The following SNAPC3 variants were observed in gnomAD, a reference collection of about 807,000 sequenced individuals.
The protein encoded by SNAPC3 is small nuclear RNA activating complex polypeptide 3.
Under a neutral mutation model 47.7 loss-of-function variants are expected in SNAPC3, and 56 were observed. The ratio of observed to expected loss-of-function variants is 1.18; its 90% CI spans 0.95 to 1.47. The LOEUF is 1.47. Ranked by LOEUF, SNAPC3 falls within the 40% of genes most tolerant of loss-of-function variation. The pLI is 0.00. For missense variants in SNAPC3, 665 were observed against 511.3 expected (o/e 1.30, Z -2.90); for synonymous variants, 235 against 189.9 (o/e 1.24, Z -1.95).
intron 2 of SNAPC3, among the ~76,000 whole-genome samples, chr9:15,428,111 C>CAAAAAAAAAAAA (rs34074367): frequency 1.4e-5 from 1 of 73,016 alleles, no homozygotes. Context: ...ACTCTGTCTC[C>CAAAAAAAAAAAA]AAAAAAAAAA....
At chr9:15,442,362 T>A (rs1313531287) in intron 3 of SNAPC3, among the ~76,000 whole-genome samples, 6 of 148,036 alleles carry the variant, frequency 4.1e-5, no homozygotes, top group Non-Finnish European at 8.9e-5. Flanking sequence ...GAGACGCTCC[T>A]CACCTCCCAG....
Position 15,423,121 on chromosome 9 carries a change from G to GC in SNAPC3, c.242_243insC (p.Glu82GlyfsTer18). ...GGGAGCCAGGCAGCTGACTCCGACC[G>GC]GGAGGATGCCGCGGTGGCCAGGGAT... On this transcript the variant is annotated frameshift_variant, in exon 1 of 9. Coordinates refer to ENST00000380821, the MANE Select transcript of SNAPC3 (RefSeq NM_001039697.2). LOFTEE classifies it high-confidence loss of function. The GC allele has an allele frequency of 1.3e-6, 2 of 1,555,946 alleles. No homozygotes were observed. The highest frequency in any genetic ancestry group is 1.7e-6 in the Non-Finnish European group (2 of 1,162,416).
chr9:15,452,920 G>A, intron 6 of SNAPC3, 121 bp from the exon 7 acceptor site: 1 of 745,120 alleles, frequency 1.3e-6, no homozygotes, highest in Non-Finnish European at 2.1e-6. Context: ...ATCTCAAGAT[G>A]GCAACTGTCC....
chr9:15,458,378 C>G (rs2034959657), intron 8 of SNAPC3, among the ~76,000 whole-genome samples: 1 of 152,142 alleles, frequency 6.6e-6, no homozygotes, highest in South Asian at 2.1e-4. Flanking sequence ...AGAATACATT[C>G]AAGAAAAGCT....
downstream of SNAPC3, chr9:15,464,676 T>C (rs1379711938): frequency 6.6e-5 from 13 of 197,966 alleles, no homozygotes; most frequent in African/African-American, 3.0e-4. Context: ...TAAAGACATT[T>C]TTAACAACAT....
Position 15,460,239 on chromosome 9 carries a change from C to T in SNAPC3, c.*373C>T, listed in dbSNP as rs1372164242. The T allele has an allele frequency of 1.3e-5, 2 of 155,626 alleles. No individual in the cohort carries two copies. Among genetic ancestry groups the T allele is most frequent in the Non-Finnish European group, 2.8e-5 (2 of 70,552 alleles). 9.6% of individuals were successfully genotyped at this position (155,626 alleles called of 1,614,324 possible). A position where few individuals can be genotyped will look rare whatever the true frequency, so the allele number is the denominator to read the frequency against. ...GCTAAAGATAGAATTATTAATGATA[C>T]ATCAAGTAGTGGAAGTGTTTTGAAA... is the stretch of plus-strand genomic sequence containing the variant. On this transcript the variant is annotated 3_prime_UTR_variant, in exon 9 of 9. Coordinates refer to ENST00000380821, the MANE Select transcript of SNAPC3 (RefSeq NM_001039697.2).
chr9:15,424,282 C>G (rs1226303206), intron 2 of SNAPC3, among the ~76,000 whole-genome samples: 1 of 152,026 alleles, frequency 6.6e-6, no homozygotes, highest in Non-Finnish European at 1.5e-5. Flanking sequence ...ATTATTATAC[C>G]TAAGAAAACC....
At chr9:15,428,905 G>T (rs535171922) in intron 2 of SNAPC3, among the ~76,000 whole-genome samples, 5 of 151,702 alleles carry the variant, frequency 3.3e-5, no homozygotes, top group African/African-American at 1.2e-4. Context: ...AGTCCCTGAA[G>T]AAGAAAAAGA....
At chr9:15,456,951 A>G (rs1004973031) in intron 7 of SNAPC3, among the ~76,000 whole-genome samples, 5 of 152,164 alleles carry the variant, frequency 3.3e-5, no homozygotes, top group African/African-American at 1.2e-4. Context: ...AAAAAAATCA[A>G]ATTTTAGAAT....
At position 15,444,722 on chromosome 9, in the gene SNAPC3, T is replaced by C. The variant is rs779319091; in HGVS notation, c.582+16T>C. 20 of 1,364,416 alleles carry C rather than the reference T, an allele frequency of 1.5e-5. No individual in the cohort carries two copies. Among genetic ancestry groups the C allele is most frequent in the Non-Finnish European group, 2.1e-5 (20 of 964,888 alleles). The allele number at this position is 1,364,416 out of a possible 1,614,324, so 84.5% of individuals were successfully genotyped here. ...ATTTCATAAGGTAAGTAGTAAAACC[T>C]TTTGGATTTTATGGATAATAGTAAC... On this transcript the variant is annotated intron_variant, in intron 4 of 8. Coordinates refer to ENST00000380821, the MANE Select transcript of SNAPC3 (RefSeq NM_001039697.2).
chr9:15,428,143 A>C (rs950020926), intron 2 of SNAPC3, among the ~76,000 whole-genome samples: 1 of 149,286 alleles, frequency 6.7e-6, no homozygotes, highest in Non-Finnish European at 1.5e-5. Context: ...ACTGTCAAAC[A>C]GCTCTCATAT....
chr9:15,426,411 C>T (rs780183018), intron 2 of SNAPC3, among the ~76,000 whole-genome samples: 5 of 152,154 alleles, frequency 3.3e-5, no homozygotes, highest in East Asian at 1.9e-4. Context: ...CTGTAATATA[C>T]GTGTTTAATT....
At chr9:15,455,263 G>A (rs1462701623) in intron 7 of SNAPC3, among the ~76,000 whole-genome samples, 1 of 152,016 alleles carries the variant, frequency 6.6e-6, no homozygotes, top group African/African-American at 2.4e-5. Flanking sequence ...TGTCTTTGAT[G>A]TTATTAAAAT....
At position 15,453,284 on chromosome 9, in the gene SNAPC3, A is replaced by T. The variant is rs1482237607; in HGVS notation, c.980+79A>T. 5 of 1,180,950 alleles carry T rather than the reference A, an allele frequency of 4.2e-6. No individual in the cohort carries two copies. In the African/African-American group the frequency reaches 6.2e-5, roughly 15 times the overall value. The allele number at this position is 1,180,950 out of a possible 1,614,324, so 73.2% of individuals were successfully genotyped here. A position where few individuals can be genotyped will look rare whatever the true frequency, so the allele number is the denominator to read the frequency against. ...GTACAAAACCAGAGATAGTTTTTTT[A>T]AAAATAAGAGGAGTAAAAGTAATAA... On this transcript the variant is annotated intron_variant, in intron 7 of 8. Transcript: ENST00000380821.
downstream of SNAPC3, chr9:15,464,573 TTTCAA>T (rs1422562692): frequency 5.0e-6 from 1 of 198,860 alleles, no homozygotes; most frequent in Non-Finnish European, 1.0e-5. Flanking sequence ...ATAGCCATGA[TTTCAA>T]ATAGGTGAGT....
chr9:15,466,204 C>T (rs1365421976), downstream of SNAPC3, among the ~76,000 whole-genome samples: 1 of 152,206 alleles, frequency 6.6e-6, no homozygotes, highest in African/African-American at 2.4e-5. Context: ...ATGGTGAAAC[C>T]TCATCTCTAC....
At chr9:15,455,216 ATTTATATGACT>A (rs2034686552) in intron 7 of SNAPC3, among the ~76,000 whole-genome samples, 2 of 152,312 alleles carry the variant, frequency 1.3e-5, no homozygotes, top group South Asian at 4.1e-4. Context: ...TAAACCTTGG[ATTTATATGACT>A]TTTAAAATTA....
At position 15,459,806 on chromosome 9, in the gene SNAPC3, A is replaced by G; in HGVS notation, c.1176A>G (p.Glu392=). The part of the protein sequence containing the change: ...VCFRMLHYDS[E]GNKLGEFLAY... The stretch of plus-strand genomic sequence containing the variant: ...TCCGAATGCTGCACTATGATTCAGA[A>G]GGCAACAAACTGGGGGAATTCCTTG... Residue 392 remains glutamate (E), a synonymous_variant, in exon 9 of 9, where the codon GAA becomes GAG. Transcript: ENST00000380821. 1.2e-6 allele frequency: 2 copies of G among 1,613,506 alleles called. No individual in the cohort carries two copies. The highest frequency in any genetic ancestry group is 1.7e-4 in the Middle Eastern group (1 of 6,060).
At chr9:15,435,012 C>T (rs1220934884) in intron 3 of SNAPC3, among the ~76,000 whole-genome samples, 1 of 152,040 alleles carries the variant, frequency 6.6e-6, no homozygotes, top group Admixed American at 6.6e-5. Flanking sequence ...AGCAATGATA[C>T]CGTATTACAT....
Sources: allele counts gnomAD v4.1 joint callset (sites outside exome capture counted in the v4.1 genomes callset), GRCh38; gene constraint gnomAD v4.1.1; transcripts MANE v1.5; gene names NCBI Gene and HGNC (gene_info 2026-07-23, HGNC 2026-07-21).